IGF1R: variants seen among roughly 807,000 people sequenced by gnomAD.
The protein encoded by IGF1R is insulin like growth factor 1 receptor.
Under a neutral mutation model 144.6 loss-of-function variants are expected in IGF1R, and 44 were observed. The observed-to-expected ratio is 0.30, with a 90% CI of 0.24 to 0.39. IGF1R has a LOEUF of 0.39. Among genes scored for constraint, IGF1R ranks in the 10% least tolerant of loss-of-function variants. IGF1R has a pLI of 1.00. For synonymous variants in IGF1R, 795 were observed against 722.8 expected (o/e 1.10, Z -1.60); for missense variants, 1,355 against 1,833.7 (o/e 0.74, Z 4.77).
At chr15:98,847,702 G>A (rs897511650) in intron 2 of IGF1R, among the ~76,000 whole-genome samples, 15 of 152,176 alleles carry the variant, frequency 9.9e-5, no homozygotes, top group African/African-American at 3.4e-4. Flanking sequence ...TTCCAGAATC[G>A]TCTGGATCTA....
At chr15:98,654,236 G>A (rs2081588933) in intron 1 of IGF1R, among the ~76,000 whole-genome samples, 1 of 152,136 alleles carries the variant, frequency 6.6e-6, no homozygotes, top group Non-Finnish European at 1.5e-5. Flanking sequence ...GTGACATACA[G>A]GTGATGTTAA....
intron 2 of IGF1R, among the ~76,000 whole-genome samples, chr15:98,765,475 AT>A (rs978100782): frequency 6.7e-6 from 1 of 150,208 alleles, no homozygotes; most frequent in African/African-American, 2.5e-5. Context: ...CACCTGGCTA[AT>A]TTTTTTTTCT....
At chr15:98,916,999 G>A (rs776446911) in intron 10 of IGF1R, 123 bp downstream of exon 10, 1 of 825,896 alleles carries the variant, frequency 1.2e-6, no homozygotes, top group South Asian at 1.4e-5. Context: ...TAGCCACTGA[G>A]ACGGAGCCGA....
At position 98,958,378 on chromosome 15, in the gene IGF1R, G is replaced by A. The variant is rs2017096372; in HGVS notation, c.*936G>A. 4.5e-6 allele frequency: 1 copy of A among 224,572 alleles called. No homozygotes were observed. Among genetic ancestry groups the A allele is most frequent in the African/African-American group, 2.2e-5 (1 of 44,784 alleles). The allele number at this position is 224,572 out of a possible 1,614,324, so 13.9% of individuals were successfully genotyped here. ...CTGGCGGACAGGCTTGGAGTCAAGGGGCCCCATGCCTGCTTCTCTCCCAGC... is the reference window on the plus strand; with the variant it reads ...CTGGCGGACAGGCTTGGAGTCAAGGAGCCCCATGCCTGCTTCTCTCCCAGC... On this transcript the variant is annotated 3_prime_UTR_variant, in exon 21 of 21. Coordinates refer to ENST00000650285, the MANE Select transcript of IGF1R (RefSeq NM_000875.5).
At position 98,923,883 on chromosome 15, in the gene IGF1R, A is replaced by G; in HGVS notation, c.2493A>G (p.Ala831=). ...VFARTMPAEG[A]DDIPGPVTWE... is the part of the protein sequence containing the mutation. ...CCTGTTTAAATTGTACAGAAGGAGCAGATGACATTCCTGGGCCAGTGACCT... is the reference window on the plus strand; with the variant it reads ...CCTGTTTAAATTGTACAGAAGGAGCGGATGACATTCCTGGGCCAGTGACCT... Residue 831 remains alanine, a synonymous_variant, in exon 12 of 21, where the codon GCA becomes GCG. Transcript: ENST00000650285. The G allele has an allele frequency of 1.9e-6, 3 of 1,613,986 alleles. No homozygotes were observed. The Admixed American group carries it at 5.0e-5, about 27-fold the overall frequency.
chr15:98,744,454 T>C (rs1250775755), intron 2 of IGF1R, among the ~76,000 whole-genome samples: 14 of 151,918 alleles, frequency 9.2e-5, no homozygotes, highest in Admixed American at 9.2e-4. Context: ...GGAGGAATAC[T>C]GTGGGGAGGG....
At chr15:98,910,837 C>T (rs888987790) in intron 6 of IGF1R, among the ~76,000 whole-genome samples, 1 of 152,230 alleles carries the variant, frequency 6.6e-6, no homozygotes, top group Non-Finnish European at 1.5e-5. Context: ...TTCTGTGGCA[C>T]ACCTGTAGTC....
At chr15:98,849,141 A>G (rs1474442511) in intron 2 of IGF1R, among the ~76,000 whole-genome samples, 2 of 152,240 alleles carry the variant, frequency 1.3e-5, no homozygotes. Context: ...GGTATTAAAA[A>G]CTTCCATAGT....
chr15:98,868,113 G>A (rs1567169238), intron 2 of IGF1R, among the ~76,000 whole-genome samples: 1 of 152,018 alleles, frequency 6.6e-6, no homozygotes, highest in Admixed American at 6.6e-5. Flanking sequence ...TTTGAACCCG[G>A]GAGTTGGGGG....
intron 2 of IGF1R, 84 bp downstream of exon 2, chr15:98,708,191 C>T (rs1237800731): frequency 8.4e-6 from 10 of 1,196,940 alleles, no homozygotes; most frequent in South Asian, 3.7e-5. Flanking sequence ...TCTGAGTGCA[C>T]GAGTTCCGCT....
At chr15:98,753,688 A>G (rs1276621772) in intron 2 of IGF1R, among the ~76,000 whole-genome samples, 1 of 151,970 alleles carries the variant, frequency 6.6e-6, no homozygotes, top group Non-Finnish European at 1.5e-5. Context: ...CTGGGAGGAG[A>G]TGGTGAAGAA....
intron 1 of IGF1R, among the ~76,000 whole-genome samples, chr15:98,664,626 G>C (rs2052683437): frequency 6.7e-6 from 1 of 149,538 alleles, no homozygotes; most frequent in East Asian, 2.0e-4. Context: ...TTGGAGGTTG[G>C]AGGTTGCAGT....
At chr15:98,936,481 T>C (rs1003466701) in intron 17 of IGF1R, among the ~76,000 whole-genome samples, 4 of 152,184 alleles carry the variant, frequency 2.6e-5, no homozygotes, top group African/African-American at 9.7e-5. Flanking sequence ...GTTGCCTCCG[T>C]GGGTCTGAAG....
At chr15:98,738,354 C>G (rs1374407612) in intron 2 of IGF1R, among the ~76,000 whole-genome samples, 1 of 152,190 alleles carries the variant, frequency 6.6e-6, no homozygotes, top group African/African-American at 2.4e-5. Context: ...GAAGATCTTT[C>G]TTCTAAATGA....
rs75158809 is a variant in IGF1R, at chr15:98,685,533, G to A, written c.95-22029G>A. 5.4e-3 allele frequency among the ~76,000 whole-genome samples: 823 copies of A among 152,226 alleles called. 6 individuals are homozygous for A. Among genetic ancestry groups the A allele is most frequent in the African/African-American group, 0.019 (791 of 41,538 alleles). On this transcript the variant is annotated intron_variant, in intron 1 of 20. Transcript: ENST00000650285. ...CACTCTACTCTCTGTTAGCCAGCTG[G>A]GCACCTCTTCCTCTGTGTCCCTTCG...
chr15:98,684,213 GAAC>G (rs1162096660), intron 1 of IGF1R, among the ~76,000 whole-genome samples: 8 of 152,156 alleles, frequency 5.3e-5, no homozygotes, highest in African/African-American at 1.7e-4. Context: ...TCTGTGTTAT[GAAC>G]AACTTGCAAT....
chr15:98,876,314 TAA>T (rs35359680), intron 2 of IGF1R, among the ~76,000 whole-genome samples: 23 of 143,810 alleles, frequency 1.6e-4, no homozygotes, highest in African/African-American at 2.3e-4. Context: ...TATTAAGAGT[TAA>T]AAAAAAAAAA....
chr15:98,918,360 C>T (rs189278731), intron 10 of IGF1R, among the ~76,000 whole-genome samples: 3 of 152,270 alleles, frequency 2.0e-5, no homozygotes, highest in East Asian at 3.9e-4. Flanking sequence ...TCTGCTCTTA[C>T]AGGCTTTCTT....
chr15:98,654,700 T>C (rs1007461855), intron 1 of IGF1R, among the ~76,000 whole-genome samples: 3 of 152,240 alleles, frequency 2.0e-5, no homozygotes, highest in Non-Finnish European at 2.9e-5. Context: ...TGATTTGAAC[T>C]GCTTTTCTTA....
Sources: gnomAD v4.1 joint callset for allele counts (sites outside exome capture counted in the v4.1 genomes callset) on GRCh38, gnomAD v4.1.1 for gene constraint, MANE v1.5 for transcripts, NCBI Gene and HGNC (gene_info 2026-07-23, HGNC 2026-07-21) for gene names.